ZC3H14: variants seen among roughly 807,000 people sequenced by gnomAD.
The protein encoded by ZC3H14 is zinc finger CCCH domain-containing protein 14.
A neutral mutation model predicts 92.4 loss-of-function variants in ZC3H14; 31 were observed. The ratio of observed to expected loss-of-function variants is 0.34; its 90% confidence interval spans 0.25 to 0.45. ZC3H14 has a LOEUF of 0.45. ZC3H14 is among the 20% of genes least tolerant of loss of function. ZC3H14 has a pLI of 1.00. For synonymous variants in ZC3H14, 321 were observed against 300.9 expected (o/e 1.07, Z -0.69); for missense variants, 781 against 897.3 (o/e 0.87, Z 1.66).
intron 9 of ZC3H14, among the ~76,000 whole-genome samples, chr14:88,582,002 G>A (rs1443885395): frequency 4.6e-5 from 7 of 152,156 alleles, no homozygotes; most frequent in Non-Finnish European, 8.8e-5. Context: ...GAACCAAACC[G>A]TGCCTATTCA....
chr14:88,600,802 G>T (rs1042464460), intron 10 of ZC3H14, among the ~76,000 whole-genome samples: 14 of 152,054 alleles, frequency 9.2e-5, no homozygotes, highest in African/African-American at 3.4e-4. Flanking sequence ...CTGAGACATA[G>T]AAGAACCTTT....
intron 15 of ZC3H14, 113 bp downstream of exon 15, chr14:88,609,916 C>A: frequency 8.8e-7 from 1 of 1,140,660 alleles, no homozygotes; most frequent in South Asian, 1.3e-5. Flanking sequence ...CGATTTTTGC[C>A]AGTAAAACTA....
rs2140187909 is a variant in ZC3H14, at chr14:88,612,737, C to T, written c.*986C>T. On this transcript the variant is annotated 3_prime_UTR_variant, in exon 17 of 17. Transcript: ENST00000251038. Reference sequence around the variant, plus strand: ...ACAGAGATCAGATCAGATAGGTAAACTGCAAGATAGATAGGATGAAACTTT... The same window carrying T: ...ACAGAGATCAGATCAGATAGGTAAATTGCAAGATAGATAGGATGAAACTTT... 1 of 152,586 alleles carries T rather than the reference C, an allele frequency of 6.6e-6. No individual in the cohort carries two copies. Among genetic ancestry groups the T allele is most frequent in the African/African-American group, 2.4e-5 (1 of 41,496 alleles). 9.5% of individuals were successfully genotyped at this position (152,586 alleles called of 1,614,324 possible). A position where few individuals can be genotyped will look rare whatever the true frequency, so the allele number is the denominator to read the frequency against.
intron 9 of ZC3H14, chr14:88,594,335 C>A: frequency 3.1e-6 from 3 of 957,022 alleles, no homozygotes; most frequent in South Asian, 4.2e-5. Flanking sequence ...ATAGAAAATT[C>A]TTTGTGTGAC....
chr14:88,599,677 G>C (rs953584414), intron 10 of ZC3H14, among the ~76,000 whole-genome samples: 2 of 152,034 alleles, frequency 1.3e-5, no homozygotes, highest in African/African-American at 2.4e-5. Flanking sequence ...ATGTGTCAGC[G>C]CATCTCCTCC....
chr14:88,626,701 G>T lies in ZC3H14; in HGVS notation c.*14950G>T. On this transcript the variant is annotated 3_prime_UTR_variant, in exon 17 of 17. Transcript: ENST00000251038. ...TGAAAGAACTAGATTTTTGAAAGAT[G>T]AAATATATGCTTGACCAGGGCATGT... The T allele has an allele frequency of 2.4e-6, 2 of 843,514 alleles. No homozygotes were observed. The highest frequency in any genetic ancestry group is 1.9e-5 in the South Asian group (1 of 51,346). 52.3% of individuals were successfully genotyped at this position (843,514 alleles called of 1,614,324 possible).
chr14:88,604,711 C>T (rs2085115021), intron 12 of ZC3H14, among the ~76,000 whole-genome samples: 1 of 151,782 alleles, frequency 6.6e-6, no homozygotes, highest in Admixed American at 6.6e-5. Flanking sequence ...TCTTCTGCCT[C>T]AGTCTCCCAA....
chr14:88,570,304 T>C (rs375485941), intron 3 of ZC3H14, among the ~76,000 whole-genome samples: 2 of 152,298 alleles, frequency 1.3e-5, no homozygotes, highest in East Asian at 3.9e-4. Context: ...AGGGTTCTCA[T>C]TGAAACATGA....
intron 4 of ZC3H14, among the ~76,000 whole-genome samples, chr14:88,571,626 C>G (rs2080403888): frequency 6.6e-6 from 1 of 152,012 alleles, no homozygotes; most frequent in African/African-American, 2.4e-5. Flanking sequence ...AATAAACATA[C>G]TGCTTTTGAA....
intron 3 of ZC3H14, among the ~76,000 whole-genome samples, chr14:88,569,512 T>G (rs1254024944): frequency 6.6e-6 from 1 of 152,136 alleles, no homozygotes; most frequent in Non-Finnish European, 1.5e-5. Flanking sequence ...AGATGCTAGG[T>G]CCTGGTACCA....
intron 9 of ZC3H14, among the ~76,000 whole-genome samples, chr14:88,583,897 G>A (rs1410740280): frequency 6.6e-6 from 1 of 152,180 alleles, no homozygotes; most frequent in East Asian, 1.9e-4. Flanking sequence ...TTGAGAAAGG[G>A]TGTTGAAATT....
chr14:88,575,537 TTAAAA>T (rs1178132386), intron 7 of ZC3H14, among the ~76,000 whole-genome samples: 1 of 151,934 alleles, frequency 6.6e-6, no homozygotes, highest in Admixed American at 6.6e-5. Context: ...TTAAAAAAAA[TTAAAA>T]TAAATTAGTT....
chr14:88,580,276 GT>G (rs2081736409), intron 9 of ZC3H14, among the ~76,000 whole-genome samples: 1 of 152,182 alleles, frequency 6.6e-6, no homozygotes, highest in Admixed American at 6.5e-5. Context: ...TTGCCATCTA[GT>G]TTGGGCGATA....
intron 3 of ZC3H14, among the ~76,000 whole-genome samples, chr14:88,570,242 A>AAC (rs1038776670): frequency 6.6e-6 from 1 of 152,154 alleles, no homozygotes; most frequent in Non-Finnish European, 1.5e-5. Flanking sequence ...GACTATTGTG[A>AAC]TTATTTGGAG....
rs2140219367 is a variant in ZC3H14, at chr14:88,615,864, GAGA to G, written c.*4118_*4120del. 2 of 1,610,018 alleles carry G rather than the reference GAGA, an allele frequency of 1.2e-6. No homozygotes were observed. Among genetic ancestry groups the G allele is most frequent in the African/African-American group, 1.3e-5 (1 of 75,020 alleles). On this transcript the variant is annotated 3_prime_UTR_variant, in exon 17 of 17. Transcript: ENST00000251038. ...TTTCCAGACAAATAAGCTGCAATCA[GAGA>G]AGAAAATTGCAGGGAGTTAATTATG...
intron 9 of ZC3H14, among the ~76,000 whole-genome samples, chr14:88,595,980 A>C (rs1399041465): frequency 2.0e-5 from 3 of 152,220 alleles, no homozygotes; most frequent in Non-Finnish European, 2.9e-5. Flanking sequence ...ACATTCTCCC[A>C]TCCTCAAGGA....
intron 12 of ZC3H14, among the ~76,000 whole-genome samples, chr14:88,605,807 C>T (rs1391813884): frequency 1.3e-5 from 2 of 152,182 alleles, no homozygotes; most frequent in Admixed American, 6.5e-5. Flanking sequence ...AGTAAGTACT[C>T]ATAGAACTAG....
intron 10 of ZC3H14, among the ~76,000 whole-genome samples, chr14:88,598,883 TC>T (rs1406948814): frequency 6.6e-6 from 1 of 152,180 alleles, no homozygotes; most frequent in East Asian, 1.9e-4. Context: ...GGTCAGGAGT[TC>T]CAGACCAGCC....
chr14:88,607,337 C>G lies in ZC3H14; in HGVS notation c.1842C>G (p.Ala614=). ...CTTGTAAAAATGGGGATGAGTGTGCCTACCATCACCCCATCTCACCCTGCA... is the reference window on the plus strand; with the variant it reads ...CTTGTAAAAATGGGGATGAGTGTGCGTACCATCACCCCATCTCACCCTGCA... ...WPACKNGDEC[A]YHHPISPCKA... Residue 614 remains alanine, a synonymous_variant, in exon 13 of 17, where the codon GCC becomes GCG. Coordinates refer to ENST00000251038, the MANE Select transcript of ZC3H14 (RefSeq NM_024824.5). The G allele has an allele frequency of 1.2e-6, 2 of 1,613,774 alleles. No individual in the cohort carries two copies. The highest frequency in any genetic ancestry group is 1.7e-6 in the Non-Finnish European group (2 of 1,179,894).
Sources: allele counts gnomAD v4.1 joint callset (sites outside exome capture counted in the v4.1 genomes callset), GRCh38; gene constraint gnomAD v4.1.1; transcripts MANE v1.5; gene names NCBI Gene and HGNC (gene_info 2026-07-23, HGNC 2026-07-21).